Variants in ARHGAP25 observed in about 807,000 individuals in gnomAD.
The protein encoded by ARHGAP25 is rho GTPase-activating protein 25.
ARHGAP25 carries 34 observed loss-of-function variants against 71.0 expected under a neutral mutation model. The ratio of observed to expected loss-of-function variants is 0.48; its 90% CI spans 0.36 to 0.64. The LOEUF is 0.64. Among genes scored for constraint, ARHGAP25 ranks in the 30% least tolerant of loss-of-function variants. ARHGAP25 has a pLI of 0.00. For synonymous variants in ARHGAP25, 282 were observed against 296.5 expected (o/e 0.95, Z 0.50); for missense variants, 706 against 805.1 (o/e 0.88, Z 1.49).
At chr2:68,729,389 T>C (rs964909915) in intron 2 of ARHGAP25, among the ~76,000 whole-genome samples, 10 of 152,128 alleles carry the variant, frequency 6.6e-5, no homozygotes, top group African/African-American at 1.2e-4. Context: ...AGAGCTAACA[T>C]GCAGATAACT....
rs750487134 is a variant in ARHGAP25, at chr2:68,822,711, C to T, written c.1572C>T (p.Ala524=). The T allele has an allele frequency of 1.2e-6, 2 of 1,614,202 alleles. No individual in the cohort carries two copies. Among genetic ancestry groups the T allele is most frequent in the South Asian group, 1.1e-5 (1 of 91,086 alleles). The part of the protein sequence containing the change: ...GEEASALSSQ[A]CDSKGDTLAS... ...AAGCCAGTGCACTCTCTTCCCAAGC[C>T]TGTGACTCCAAGGGAGATACTCTTG... The change falls in exon 10 of 11, where the codon GCC becomes GCT. Residue 524 remains alanine, a synonymous_variant. Transcript: ENST00000409202.
intron 1 of ARHGAP25, among the ~76,000 whole-genome samples, chr2:68,736,056 A>G (rs1483966120): frequency 6.6e-6 from 1 of 152,242 alleles, no homozygotes; most frequent in Non-Finnish European, 1.5e-5. Flanking sequence ...ACATTTATGT[A>G]TCTCACCCAT....
chr2:68,775,808 A>G (rs998502645), intron 2 of ARHGAP25: 2 of 426,030 alleles, frequency 4.7e-6, no homozygotes, highest in African/African-American at 2.0e-5. Flanking sequence ...TATGCCACAC[A>G]CTGTTCTAGG....
intron 2 of ARHGAP25, among the ~76,000 whole-genome samples, chr2:68,716,247 A>G (rs950632447): frequency 2.0e-4 from 31 of 152,348 alleles, no homozygotes; most frequent in African/African-American, 7.2e-4. Flanking sequence ...GGGAAGGCCC[A>G]GATTGTTTCA....
intron 3 of ARHGAP25, among the ~76,000 whole-genome samples, chr2:68,784,175 TTCTC>T (rs549919568): frequency 4.0e-5 from 6 of 150,188 alleles, no homozygotes; most frequent in African/African-American, 1.5e-4. Context: ...CTCTCTCTCT[TTCTC>T]TCTCTCTCTC....
intron 2 of ARHGAP25, among the ~76,000 whole-genome samples, chr2:68,711,074 A>T (rs1674468758): frequency 6.6e-6 from 1 of 152,154 alleles, no homozygotes; most frequent in Admixed American, 6.5e-5. Flanking sequence ...TACAGAATGC[A>T]GCCCCCTCCC....
chr2:68,805,619 C>T (rs1341336120), intron 4 of ARHGAP25, among the ~76,000 whole-genome samples: 7 of 151,934 alleles, frequency 4.6e-5, no homozygotes, highest in Admixed American at 6.6e-5. Flanking sequence ...AGGAGGGTTT[C>T]GAACATGATA....
In ARHGAP25 at chr2:68,711,401, T is replaced by C. The variant is rs186616641; in HGVS notation, c.-18+703T>C. On this transcript the variant is annotated intron_variant and NMD_transcript_variant, in intron 2 of 7. Transcript: ENST00000463483. ...TCAATTATTAGTATTTATTTTCATT[T>C]TGAGATGGAGTCTTGCTCTGTCACC... Among the ~76,000 whole-genome samples, 186 of 152,316 alleles carry C rather than the reference T, an allele frequency of 1.2e-3. 1 individual carries two copies. Among genetic ancestry groups the C allele is most frequent in the Admixed American group, 8.8e-3 (135 of 15,302 alleles).
intron 1 of ARHGAP25, among the ~76,000 whole-genome samples, chr2:68,774,321 G>A (rs1677681346): frequency 6.6e-6 from 1 of 152,178 alleles, no homozygotes; most frequent in South Asian, 2.1e-4. Context: ...GGAGAGCATG[G>A]TCCTGGGTGG....
At chr2:68,813,645 C>G (rs139893872) in intron 6 of ARHGAP25, among the ~76,000 whole-genome samples, 1 of 152,252 alleles carries the variant, frequency 6.6e-6, no homozygotes, top group East Asian at 1.9e-4. Context: ...TAATCAAATA[C>G]TGCTAGATCA....
At chr2:68,785,581 T>C (rs1678701066) in intron 3 of ARHGAP25, among the ~76,000 whole-genome samples, 1 of 151,074 alleles carries the variant, frequency 6.6e-6, no homozygotes, top group South Asian at 2.1e-4. Context: ...TTTGGACATA[T>C]TAAATAATAT....
At chr2:68,800,829 C>T (rs1679913293) in intron 4 of ARHGAP25, among the ~76,000 whole-genome samples, 1 of 151,910 alleles carries the variant, frequency 6.6e-6, no homozygotes, top group Non-Finnish European at 1.5e-5. Context: ...AAATTAATGT[C>T]ATTAATTACA....
intron 2 of ARHGAP25, among the ~76,000 whole-genome samples, chr2:68,781,503 G>T (rs1678338277): frequency 6.6e-6 from 1 of 152,160 alleles, no homozygotes; most frequent in Non-Finnish European, 1.5e-5. Flanking sequence ...TGTGTAAGAG[G>T]TCACAAATCC....
chr2:68,791,575 TAGAG>T (rs916161053), intron 4 of ARHGAP25, among the ~76,000 whole-genome samples: 2 of 152,108 alleles, frequency 1.3e-5, no homozygotes, highest in Non-Finnish European at 2.9e-5. Context: ...ATGAAAGCTA[TAGAG>T]ACTCTCCCCA....
chr2:68,714,844 A>AT (rs1405445384), intron 2 of ARHGAP25, among the ~76,000 whole-genome samples: 3 of 152,198 alleles, frequency 2.0e-5, no homozygotes, highest in Admixed American at 6.5e-5. Flanking sequence ...TAGAAAAAAA[A>AT]TGTGCACTAA....
intron 1 of ARHGAP25, among the ~76,000 whole-genome samples, chr2:68,773,522 G>A (rs1677626963): frequency 6.6e-6 from 1 of 152,172 alleles, no homozygotes; most frequent in Non-Finnish European, 1.5e-5. Context: ...CAGGAGGAAG[G>A]TGAGGATTGA....
intron 10 of ARHGAP25, 89 bp downstream of exon 10, chr2:68,822,961 C>A: frequency 6.7e-6 from 9 of 1,346,254 alleles, no homozygotes; most frequent in Non-Finnish European, 9.0e-6. Flanking sequence ...GAAGTCACAT[C>A]ATAAAGCTTC....
intron 2 of ARHGAP25, among the ~76,000 whole-genome samples, chr2:68,722,387 G>GACCAGCCTC (rs1171869078): frequency 6.6e-6 from 1 of 151,818 alleles, no homozygotes; most frequent in African/African-American, 2.4e-5. Context: ...AGACCAGCCT[G>GACCAGCCTC]GCCAACATGT....
intron 2 of ARHGAP25, chr2:68,775,896 A>C (rs1677863526): frequency 3.1e-6 from 1 of 327,570 alleles, no homozygotes; most frequent in South Asian, 2.4e-5. Context: ...AAAGACACAT[A>C]AACATAACAA....
Sources: allele counts gnomAD v4.1 joint callset (sites outside exome capture counted in the v4.1 genomes callset), GRCh38; gene constraint gnomAD v4.1.1; transcripts MANE v1.5; gene names NCBI Gene and HGNC (gene_info 2026-07-23, HGNC 2026-07-21).